The following HSDL2 variants were observed in gnomAD, a reference collection of about 807,000 sequenced individuals.
HSDL2 encodes the protein hydroxysteroid dehydrogenase-like protein 2.
A neutral mutation model predicts 46.3 loss-of-function variants in HSDL2; 27 were observed. The ratio of observed to expected loss-of-function variants is 0.58; its 90% CI spans 0.43 to 0.80. HSDL2 has a LOEUF of 0.80. HSDL2 is among the 30% of genes least tolerant of loss of function. The probability of loss-of-function intolerance (pLI) is 0.00; values close to 1 mark genes in which losing one functional copy is unlikely to be tolerated. For missense variants in HSDL2, 451 were observed against 502.7 expected (o/e 0.90, Z 0.98); for synonymous variants, 153 against 163.6 (o/e 0.94, Z 0.50).
In HSDL2 at chr9:112,470,624, C is replaced by A; in HGVS notation, c.*80C>A. On this transcript the variant is annotated 3_prime_UTR_variant, in exon 11 of 11. Transcript: ENST00000398805. ...ACAGTTAAAATCTAATGTTTGTTTT[C>A]TTTCCTGTTATATTATAAGGATATG... 1 of 757,770 alleles carries A rather than the reference C, an allele frequency of 1.3e-6. No homozygotes were observed. The highest frequency in any genetic ancestry group is 2.8e-5 in the Admixed American group (1 of 35,950). 46.9% of individuals were successfully genotyped at this position (757,770 alleles called of 1,614,324 possible).
intron 8 of HSDL2, among the ~76,000 whole-genome samples, chr9:112,452,136 A>G (rs1832901183): frequency 6.6e-6 from 1 of 152,228 alleles, no homozygotes; most frequent in South Asian, 2.1e-4. Context: ...TTCGTACTTT[A>G]ACTTATAAAA....
chr9:112,392,654 C>G (rs890555029), intron 1 of HSDL2, among the ~76,000 whole-genome samples: 3 of 152,090 alleles, frequency 2.0e-5, no homozygotes, highest in Non-Finnish European at 4.4e-5. Flanking sequence ...TTTGCCTGAC[C>G]CCACAGGCAG....
rs1832811416 is a variant in HSDL2, at chr9:112,448,854, CCT to C, written c.866-5152_866-5151del. ...TACAGGCATGAGCCACCACACCCAG[CCT>C]CTCTCTGTGTTCTTTTCTTTGAAGG... On this transcript the variant is annotated intron_variant, in intron 8 of 10. Coordinates refer to ENST00000398805, the MANE Select transcript of HSDL2 (RefSeq NM_032303.5). Among the ~76,000 whole-genome samples the C allele has an allele frequency of 1.3e-5, 2 of 152,242 alleles. 1 individual carries two copies. The highest frequency in any genetic ancestry group is 4.1e-4 in the South Asian group (2 of 4,828).
At chr9:112,439,745 T>C (rs368694440) in intron 7 of HSDL2, among the ~76,000 whole-genome samples, 2 of 152,256 alleles carry the variant, frequency 1.3e-5, no homozygotes, top group Non-Finnish European at 2.9e-5. Context: ...TTAGCCTGCA[T>C]AACAATTCTG....
intron 1 of HSDL2, among the ~76,000 whole-genome samples, chr9:112,383,837 G>C (rs891758884): frequency 6.6e-6 from 1 of 152,164 alleles, no homozygotes; most frequent in Non-Finnish European, 1.5e-5. Context: ...AATTAGGTGG[G>C]ACTATAGACA....
At chr9:112,435,377 A>T (rs2132666380) in intron 6 of HSDL2, among the ~76,000 whole-genome samples, 1 of 152,284 alleles carries the variant, frequency 6.6e-6, no homozygotes, top group African/African-American at 2.4e-5. Context: ...AAAATAGATT[A>T]TACTCAATTA....
At chr9:112,455,447 T>C (rs1421887711) in intron 9 of HSDL2, among the ~76,000 whole-genome samples, 1 of 152,232 alleles carries the variant, frequency 6.6e-6, no homozygotes, top group Admixed American at 6.5e-5. Context: ...CTAAACTTGC[T>C]GGACCCTTTG....
intron 6 of HSDL2, among the ~76,000 whole-genome samples, chr9:112,425,853 A>G (rs1260250842): frequency 6.6e-6 from 1 of 151,806 alleles, no homozygotes; most frequent in African/African-American, 2.4e-5. Context: ...TCAACCTCCT[A>G]AATAGCTAGA....
intron 1 of HSDL2, 54 bp from the exon 2 acceptor site, chr9:112,403,941 G>A: frequency 1.3e-6 from 2 of 1,540,674 alleles, no homozygotes; most frequent in Non-Finnish European, 1.8e-6. Flanking sequence ...TCTGATACCT[G>A]TCAGTAAATA....
intron 1 of HSDL2, among the ~76,000 whole-genome samples, chr9:112,397,200 C>T (rs886588435): frequency 3.3e-5 from 5 of 152,128 alleles, no homozygotes; most frequent in African/African-American, 9.7e-5. Context: ...AAGAATCAGT[C>T]GAGCCGGTTT....
chr9:112,423,568 C>T (rs1832175145), intron 6 of HSDL2, among the ~76,000 whole-genome samples: 2 of 152,002 alleles, frequency 1.3e-5, no homozygotes, highest in South Asian at 4.1e-4. Context: ...CTCGGCCTCC[C>T]AAAGTGCTGG....
chr9:112,454,139 CAA>C lies in HSDL2; in HGVS notation c.993_994del (p.Ile332LeufsTer4), dbSNP rs769061682. On this transcript the variant is annotated frameshift_variant, in exon 9 of 11. Coordinates refer to ENST00000398805, the MANE Select transcript of HSDL2 (RefSeq NM_032303.5). LOFTEE classifies it high-confidence loss of function. ...GATGATGTTGTTAAAGCCACTCAAG[CAA>C]TCTATCTGTTTGAACTCTCCGGTAA... 6.2e-7 allele frequency: 1 copy of C among 1,613,670 alleles called. No homozygotes were observed. The highest frequency in any genetic ancestry group is 8.5e-7 in the Non-Finnish European group (1 of 1,179,810).
rs550505111 is a variant in HSDL2, at chr9:112,438,018, C to T, written c.599-413C>T. Reference sequence around the variant, plus strand: ...ATCCCAGCACTTTGGGAGGCTGAGGCGGACGGATCACAAGGTCAGGAGTTC... The same window carrying T: ...ATCCCAGCACTTTGGGAGGCTGAGGTGGACGGATCACAAGGTCAGGAGTTC... On this transcript the variant is annotated intron_variant, in intron 6 of 10. Coordinates refer to ENST00000398805, the MANE Select transcript of HSDL2 (RefSeq NM_032303.5). Among the ~76,000 whole-genome samples the T allele has an allele frequency of 2.7e-3, 406 of 152,102 alleles. 4 individuals are homozygous for T. The highest frequency in any genetic ancestry group is 0.014 in the Middle Eastern group (4 of 292).
chr9:112,440,400 T>A, intron 7 of HSDL2, among the ~76,000 whole-genome samples: 1 of 147,902 alleles, frequency 6.8e-6, no homozygotes, highest in Non-Finnish European at 1.5e-5. Context: ...CAAGACCCCA[T>A]GTCAAAAAAA....
chr9:112,428,056 C>A (rs1344968556), intron 6 of HSDL2, among the ~76,000 whole-genome samples: 1 of 152,180 alleles, frequency 6.6e-6, no homozygotes, highest in Admixed American at 6.5e-5. Context: ...TGCTTCCTAT[C>A]TGCTATGTAC....
At chr9:112,409,752 C>G (rs1040247856) in intron 4 of HSDL2, among the ~76,000 whole-genome samples, 9 of 151,810 alleles carry the variant, frequency 5.9e-5, no homozygotes, top group South Asian at 2.1e-4. Context: ...ACTCAGGAGA[C>G]TGAGGCAAGA....
At chr9:112,436,960 C>CTTTTTTTTTTTTTTTTTTTTTTTTT (rs780957603) in intron 6 of HSDL2, among the ~76,000 whole-genome samples, 14 of 126,776 alleles carry the variant, frequency 1.1e-4, no homozygotes, top group South Asian at 2.5e-4. Flanking sequence ...TTCTTTTTTT[C>CTTTTTTTTTTTTTTTTTTTTTTTTT]TTTTTTTTTT....
chr9:112,416,941 T>TGTGGTAG lies in HSDL2; in HGVS notation c.499+13_499+19dup. On this transcript the variant is annotated frameshift_variant, in exon 5 of 11. Coordinates refer to ENST00000398805, the MANE Select transcript of HSDL2 (RefSeq NM_032303.5). LOFTEE classifies it high-confidence loss of function. Reference sequence around the variant, plus strand: ...AAATCCAGTTTGGTTCAAACAGCACTGTGGTAGGTGGTAGGTGGTAGGGTG... The same window carrying TGTGGTAG: ...AAATCCAGTTTGGTTCAAACAGCACTGTGGTAGGTGGTAGGTGGTAGGTGGTAGGGTG... 25 of 1,508,180 alleles carry TGTGGTAG rather than the reference T, an allele frequency of 1.7e-5. No homozygotes were observed. Among genetic ancestry groups the TGTGGTAG allele is most frequent in the African/African-American group, 4.1e-5 (3 of 72,760 alleles). 93.4% of individuals were successfully genotyped at this position (1,508,180 alleles called of 1,614,324 possible). A position where few individuals can be genotyped will look rare whatever the true frequency, so the allele number is the denominator to read the frequency against.
rs568018588 is a variant in HSDL2, at chr9:112,470,232, C to T, written c.1145-200C>T. ...TTGCTGATTGTTGTTTTTATGCTAG[C>T]TCTTAATAGGATATTGTTAACATCT... On this transcript the variant is annotated intron_variant, in intron 10 of 10. Coordinates refer to ENST00000398805, the MANE Select transcript of HSDL2 (RefSeq NM_032303.5). Among the ~76,000 whole-genome samples, 565 of 152,248 alleles carry T rather than the reference C, an allele frequency of 3.7e-3. 7 individuals are homozygous for T. The highest frequency in any genetic ancestry group is 0.013 in the African/African-American group (522 of 41,542).
Sources: allele counts gnomAD v4.1 joint callset (sites outside exome capture counted in the v4.1 genomes callset), GRCh38; gene constraint gnomAD v4.1.1; transcripts MANE v1.5; gene names NCBI Gene and HGNC (gene_info 2026-07-23, HGNC 2026-07-21).